The following GAP43 variants were observed in gnomAD, a reference collection of about 807,000 sequenced individuals.
GAP43 encodes growth associated protein 43, also known as neuromodulin.
A neutral mutation model predicts 18.6 loss-of-function variants in GAP43; 6 were observed. That is an observed-to-expected ratio of 0.32 (90% CI 0.18 to 0.64). The LOEUF is 0.64. GAP43 is among the 30% of genes least tolerant of loss of function. The pLI is 0.78. For synonymous variants in GAP43, 115 were observed against 111.4 expected, an observed-to-expected ratio of 1.03 and a Z score of -0.20; for missense variants, 292 against 295.5, an observed-to-expected ratio of 0.99 and a Z score of 0.09.
chr3:115,641,290 T>G (rs1708392123), intron 1 of GAP43, among the ~76,000 whole-genome samples: 1 of 151,888 alleles, frequency 6.6e-6, no homozygotes, highest in African/African-American at 2.4e-5. Context: ...CATATGGCAC[T>G]CACTATAGTA....
chr3:115,719,024 A>G (rs1709544931), intron 2 of GAP43, among the ~76,000 whole-genome samples: 1 of 152,134 alleles, frequency 6.6e-6, no homozygotes, highest in African/African-American at 2.4e-5. Context: ...CAGTAAAACT[A>G]TTTTATTTAG....
chr3:115,683,300 A>G (rs1341060802), intron 2 of GAP43, among the ~76,000 whole-genome samples: 1 of 152,026 alleles, frequency 6.6e-6, no homozygotes, highest in Non-Finnish European at 1.5e-5. Flanking sequence ...ACTATTAGAT[A>G]ATGGGCTTAA....
chr3:115,721,029 C>T lies in GAP43; in HGVS notation c.*147C>T, dbSNP rs1470472875. The T allele has an allele frequency of 5.2e-6, 2 of 382,814 alleles. No homozygotes were observed. The highest frequency in any genetic ancestry group is 4.3e-5 in the African/African-American group (2 of 46,740). 23.7% of individuals were successfully genotyped at this position (382,814 alleles called of 1,614,324 possible). On this transcript the variant is annotated 3_prime_UTR_variant, in exon 3 of 3. Transcript: ENST00000305124. ...TTTCCCACCCACTAGCCCTCTTTCT[C>T]TCTGTGTGGCAAACATTTAAAAAAA...
intron 1 of GAP43, among the ~76,000 whole-genome samples, chr3:115,624,865 CG>C (rs1447356147): frequency 4.6e-5 from 5 of 108,494 alleles, no homozygotes; most frequent in Non-Finnish European, 6.9e-5. Flanking sequence ...GTGTGGGATA[CG>C]GGTGAGTGTG....
intron 1 of GAP43, among the ~76,000 whole-genome samples, chr3:115,662,140 G>A (rs1708669820): frequency 6.6e-6 from 1 of 152,068 alleles, no homozygotes; most frequent in Non-Finnish European, 1.5e-5. Context: ...AGCTTTTATT[G>A]TCAGTTTTAA....
At position 115,644,521 on chromosome 3, in the gene GAP43, A is replaced by T. The variant is rs1320629040; in HGVS notation, c.30+20802A>T. On this transcript the variant is annotated intron_variant, in intron 1 of 2. Coordinates refer to ENST00000305124, the MANE Select transcript of GAP43 (RefSeq NM_002045.4). The surrounding 1 kb of genome is among the most constrained non-coding windows in gnomAD (Gnocchi z 4.2). Reference sequence around the variant, plus strand: ...CCCAGTTAATCTTCAAAGAGTCAACATGGCAAAAACATTCCAAGATAAAAA... The same window carrying T: ...CCCAGTTAATCTTCAAAGAGTCAACTTGGCAAAAACATTCCAAGATAAAAA... Among the ~76,000 whole-genome samples the T allele has an allele frequency of 6.6e-6, 1 of 152,088 alleles. No homozygotes were observed. Among genetic ancestry groups the T allele is most frequent in the Non-Finnish European group, 1.5e-5 (1 of 67,978 alleles).
rs1173610666 is a variant in GAP43, at chr3:115,678,837, T to C, written c.628+2227T>C. Among the ~76,000 whole-genome samples, 17 of 151,534 alleles carry C rather than the reference T, an allele frequency of 1.1e-4. No homozygotes were observed. The Admixed American group carries it at 1.1e-3, about 10-fold the overall frequency. On this transcript the variant is annotated intron_variant, in intron 2 of 2. Coordinates refer to ENST00000305124, the MANE Select transcript of GAP43 (RefSeq NM_002045.4). ...GTGTTTCTTAGAGTTGGGTAGGTAC[T>C]GTCCTCTTGGTTAGATTCAGAAATG...
intron 1 of GAP43, among the ~76,000 whole-genome samples, chr3:115,670,793 G>A (rs566231525): frequency 5.9e-5 from 9 of 152,160 alleles, no homozygotes; most frequent in Admixed American, 2.0e-4. Flanking sequence ...GATTCTGATA[G>A]GCATGAAAAC....
intron 1 of GAP43, among the ~76,000 whole-genome samples, chr3:115,672,098 C>T (rs943232032): frequency 1.8e-4 from 27 of 152,154 alleles, no homozygotes; most frequent in African/African-American, 6.3e-4. Flanking sequence ...ACAAGTAAGT[C>T]CAAGCTATTC....
intron 2 of GAP43, among the ~76,000 whole-genome samples, chr3:115,678,003 A>G (rs1328516089): frequency 6.6e-6 from 1 of 152,220 alleles, no homozygotes; most frequent in African/African-American, 2.4e-5. Flanking sequence ...GCTCTGGATA[A>G]ATCGTATGCT....
At chr3:115,691,251 G>C (rs993597376) in intron 2 of GAP43, among the ~76,000 whole-genome samples, 14 of 152,114 alleles carry the variant, frequency 9.2e-5, no homozygotes, top group African/African-American at 3.1e-4. Flanking sequence ...TTATTCAGTG[G>C]ATACTGCAAC....
chr3:115,657,503 G>A (rs372008967), intron 1 of GAP43, among the ~76,000 whole-genome samples: 29 of 152,064 alleles, frequency 1.9e-4, no homozygotes, highest in Middle Eastern at 3.2e-3. Flanking sequence ...TAAGTCCCAC[G>A]GACTATGCTA....
chr3:115,720,266 C>A (rs1559810011), intron 2 of GAP43, among the ~76,000 whole-genome samples: 1 of 152,250 alleles, frequency 6.6e-6, no homozygotes, highest in East Asian at 1.9e-4. Flanking sequence ...AGGGCAAAAC[C>A]CAACTCTGCC....
In GAP43 at chr3:115,661,806, A is replaced by G. The variant is rs1251783331; in HGVS notation, c.31-14207A>G. Among the ~76,000 whole-genome samples, 4 of 125,222 alleles carry G rather than the reference A, an allele frequency of 3.2e-5. No homozygotes were observed. The East Asian group carries it at 1.1e-3, about 34-fold the overall frequency. 82.2% of individuals were successfully genotyped at this position (125,222 alleles called of 152,430 possible). On this transcript the variant is annotated intron_variant, in intron 1 of 2. Coordinates refer to ENST00000305124, the MANE Select transcript of GAP43 (RefSeq NM_002045.4). ...CCCAGCAATATGACTTTGAATCGCA[A>G]GTTTGGCTTGGGGAGAAACTAGGGC...
intron 2 of GAP43, among the ~76,000 whole-genome samples, chr3:115,716,767 T>TATATAC (rs1559809168): frequency 5.0e-5 from 4 of 79,438 alleles, no homozygotes; most frequent in Non-Finnish European, 7.7e-5. Flanking sequence ...TATATATATA[T>TATATAC]ACAGAGAGAG....
intron 2 of GAP43, among the ~76,000 whole-genome samples, chr3:115,714,772 T>G (rs1709482678): frequency 6.6e-6 from 1 of 151,870 alleles, no homozygotes; most frequent in African/African-American, 2.4e-5. Context: ...GATTTTGCCC[T>G]GGTAAAGATG....
intron 1 of GAP43, among the ~76,000 whole-genome samples, chr3:115,628,336 G>A (rs1023289510): frequency 2.0e-5 from 3 of 151,836 alleles, no homozygotes; most frequent in African/African-American, 7.3e-5. Context: ...TTATGAATAT[G>A]CTTTTGCCTC....
intron 2 of GAP43, among the ~76,000 whole-genome samples, chr3:115,690,102 C>A (rs1036917358): frequency 6.6e-6 from 1 of 152,218 alleles, no homozygotes; most frequent in African/African-American, 2.4e-5. Context: ...CCAGCACTAG[C>A]GCTCTCTGTT....
chr3:115,654,741 G>A (rs1019020941), intron 1 of GAP43, among the ~76,000 whole-genome samples: 5 of 152,160 alleles, frequency 3.3e-5, no homozygotes, highest in African/African-American at 1.2e-4. Flanking sequence ...CCTATAAACA[G>A]CATCATGATA....
Sources: allele counts gnomAD v4.1 joint callset (sites outside exome capture counted in the v4.1 genomes callset), GRCh38; gene constraint gnomAD v4.1.1; non-coding constraint Gnocchi (gnomAD v3.1); transcripts MANE v1.5; gene names NCBI Gene and HGNC (gene_info 2026-07-23, HGNC 2026-07-21).